Variants in PLD5 observed in about 807,000 individuals in gnomAD.
PLD5 encodes the protein inactive phospholipase D5.
PLD5 carries 36 observed loss-of-function variants against 61.1 expected under a neutral mutation model. The observed-to-expected ratio is 0.59, with a 90% CI of 0.45 to 0.78. The LOEUF is 0.78. Among genes scored for constraint, PLD5 ranks in the 30% least tolerant of loss-of-function variants. The pLI is 0.00. For synonymous variants in PLD5, 243 were observed against 242.8 expected (o/e 1.00, Z -0.01); for missense variants, 515 against 644.4 (o/e 0.80, Z 2.17).
intron 5 of PLD5, among the ~76,000 whole-genome samples, chr1:242,212,346 A>G (rs932253352): frequency 6.6e-6 from 1 of 152,262 alleles, no homozygotes; most frequent in Admixed American, 6.5e-5. Context: ...AATCAGATGT[A>G]TAAACCCATT....
intron 1 of PLD5, among the ~76,000 whole-genome samples, chr1:242,383,125 C>A (rs991760357): frequency 6.6e-6 from 1 of 152,164 alleles, no homozygotes; most frequent in Non-Finnish European, 1.5e-5. Context: ...GCGATTCTAT[C>A]TCAGTTCTGA....
chr1:242,128,061 G>C (rs1455814106), intron 5 of PLD5, among the ~76,000 whole-genome samples: 1 of 152,114 alleles, frequency 6.6e-6, no homozygotes, highest in African/African-American at 2.4e-5. Context: ...GCTTGCATGA[G>C]AATATGCTAT....
chr1:242,303,261 T>C (rs1252930477), intron 2 of PLD5, among the ~76,000 whole-genome samples: 2 of 152,234 alleles, frequency 1.3e-5, no homozygotes, highest in African/African-American at 2.4e-5. Flanking sequence ...AATCACACTG[T>C]TCTTTCCTGA....
intron 1 of PLD5, among the ~76,000 whole-genome samples, chr1:242,395,120 T>C (rs1309084508): frequency 6.8e-6 from 1 of 147,928 alleles, no homozygotes; most frequent in African/African-American, 2.5e-5. Context: ...TGAATATATA[T>C]GTATGTATAT....
chr1:242,363,069 A>G (rs909646401), intron 1 of PLD5, among the ~76,000 whole-genome samples: 1 of 152,154 alleles, frequency 6.6e-6, no homozygotes, highest in Non-Finnish European at 1.5e-5. Flanking sequence ...CCTCATAGAG[A>G]AGCGGTGAAG....
intron 1 of PLD5, among the ~76,000 whole-genome samples, chr1:242,501,815 A>G (rs1197852244): frequency 1.4e-5 from 2 of 142,700 alleles, no homozygotes; most frequent in Non-Finnish European, 3.1e-5. Context: ...TATATACACT[A>G]CATCATGCTG....
chr1:242,427,460 T>G (rs1665493757), intron 1 of PLD5, among the ~76,000 whole-genome samples: 1 of 152,224 alleles, frequency 6.6e-6, no homozygotes, highest in Admixed American at 6.5e-5. Context: ...TTGTAAAGGT[T>G]TGTTCTACCA....
intron 1 of PLD5, among the ~76,000 whole-genome samples, chr1:242,426,309 TAA>T (rs56996310): frequency 0.28 from 33,462 of 119,764 alleles, 4,709 homozygotes; most frequent in Middle Eastern, 0.45. Flanking sequence ...CGTTTCCAGT[TAA>T]AAAAAAAAAA....
chr1:242,378,973 C>A (rs553553921), intron 1 of PLD5, among the ~76,000 whole-genome samples: 4 of 152,182 alleles, frequency 2.6e-5, no homozygotes, highest in Non-Finnish European at 5.9e-5. Context: ...TAATCCAAAG[C>A]CTTTCTCTGA....
Position 242,113,932 on chromosome 1 carries a change from G to A in PLD5, c.1028C>T (p.Ala343Val), listed in dbSNP as rs1220741157. 1 of 1,613,942 alleles carries A rather than the reference G, an allele frequency of 6.2e-7. No individual in the cohort carries two copies. The change falls in exon 7 of 10, where the codon GCT becomes GTT. Residue 343 changes from alanine (A) to valine (V), a missense_variant. By Grantham distance (64) the Ala-to-Val change is moderately conservative (BLOSUM62 0). Around this residue, in one of 2 missense-constraint regions of PLD5, gnomAD observed 450 missense variants for 598.1 expected, o/e 0.75. Transcript: ENST00000536534. ...IDDAKQYVYIAVMDYLPISST... is the reference protein window; with the variant it reads ...IDDAKQYVYIVVMDYLPISST... ...GGAGATAGGCAGGTAGTCCATGACA[G>A]CGATGTACACATACTGCTTGGCATC... is the stretch of plus-strand genomic sequence containing the variant.
intron 2 of PLD5, among the ~76,000 whole-genome samples, chr1:242,306,656 A>G (rs1676366473): frequency 6.6e-6 from 1 of 152,130 alleles, no homozygotes; most frequent in African/African-American, 2.4e-5. Context: ...AAATGAACCA[A>G]CTCGCCCACC....
Position 242,247,053 on chromosome 1 carries a change from G to T in PLD5, c.607+18284C>A, listed in dbSNP as rs960207890. ...GGCTGGAGTGCAGTGGCGCGATCTC[G>T]ACTCACTGCAAGCTCCGCCTCCCGG... On this transcript the variant is annotated intron_variant, in intron 4 of 9. Coordinates refer to ENST00000536534, the MANE Select transcript of PLD5 (RefSeq NM_001372062.1). 3.4e-5 allele frequency among the ~76,000 whole-genome samples: 5 copies of T among 148,744 alleles called. No individual in the cohort carries two copies. In the East Asian group the frequency reaches 7.9e-4, roughly 24 times the overall value.
intron 4 of PLD5, chr1:242,236,062 T>A (rs397507): frequency 0.84 from 127,095 of 151,752 alleles, 53,623 homozygotes; most frequent in South Asian, 0.94. Context: ...CAGAGCCTTC[T>A]TGGATAGGAT....
In PLD5 at chr1:242,440,510, G is replaced by A. The variant is rs544742732; in HGVS notation, c.189+83578C>T. On this transcript the variant is annotated intron_variant, in intron 1 of 9. Coordinates refer to ENST00000536534, the MANE Select transcript of PLD5 (RefSeq NM_001372062.1). ...AGTCTGACTGTATTGAAAACTGATCGGGTATAGATTATAATCCATTTATCA... is the reference window on the plus strand; with the variant it reads ...AGTCTGACTGTATTGAAAACTGATCAGGTATAGATTATAATCCATTTATCA... Among the ~76,000 whole-genome samples the A allele has an allele frequency of 8.9e-4, 135 of 152,296 alleles. 1 individual carries two copies. The highest frequency in any genetic ancestry group is 2.9e-3 in the African/African-American group (122 of 41,568).
intron 1 of PLD5, among the ~76,000 whole-genome samples, chr1:242,452,223 T>C (rs1209827842): frequency 1.3e-5 from 2 of 152,134 alleles, no homozygotes; most frequent in East Asian, 1.9e-4. Flanking sequence ...CTTTTTTTTT[T>C]CAAATAAGTT....
At chr1:242,464,580 C>A (rs1328609028) in intron 1 of PLD5, among the ~76,000 whole-genome samples, 1 of 152,154 alleles carries the variant, frequency 6.6e-6, no homozygotes. Flanking sequence ...AATAGTACAG[C>A]CACTGTGGAA....
Position 242,157,887 on chromosome 1 carries a change from T to G in PLD5, c.736-33222A>C, listed in dbSNP as rs7534695. ...TCTCTTCAGAGCTGTCAGGCAGGGA[T>G]GTTTAAGTCTGCTGAAGCTGTGCCC... On this transcript the variant is annotated intron_variant, in intron 5 of 9. Coordinates refer to ENST00000536534, the MANE Select transcript of PLD5 (RefSeq NM_001372062.1). Among the ~76,000 whole-genome samples the G allele has an allele frequency of 2.6e-5, 4 of 152,130 alleles. No individual in the cohort carries two copies. The East Asian group carries it at 7.8e-4, about 30-fold the overall frequency.
At chr1:242,167,461 G>T (rs1437870480) in intron 5 of PLD5, among the ~76,000 whole-genome samples, 1 of 152,116 alleles carries the variant, frequency 6.6e-6, no homozygotes, top group East Asian at 1.9e-4. Context: ...AACAGCATGG[G>T]AAAAACCCAT....
chr1:242,183,340 T>C (rs984443141), intron 5 of PLD5, among the ~76,000 whole-genome samples: 5 of 152,184 alleles, frequency 3.3e-5, no homozygotes, highest in Admixed American at 2.6e-4. Flanking sequence ...GGGCTGTCTC[T>C]CAACTGGCCC....
Sources: gnomAD v4.1 joint callset for allele counts (sites outside exome capture counted in the v4.1 genomes callset) on GRCh38, gnomAD v4.1.1 for gene constraint, gnomAD v4.1.1 regional missense constraint, MANE v1.5 for transcripts, NCBI Gene and HGNC (gene_info 2026-07-23, HGNC 2026-07-21) for gene names.